Variants in WSB1 observed in about 807,000 individuals in gnomAD.
The protein encoded by WSB1 is WD repeat and SOCS box-containing protein 1.
In WSB1, 23 loss-of-function variants were observed where a neutral mutation model predicts 50.2. That is an observed-to-expected ratio of 0.46 (90% confidence interval 0.33 to 0.65). The LOEUF is 0.65. Ranked by LOEUF, WSB1 falls within the 30% of genes least tolerant of loss-of-function variation. The pLI, the probability that WSB1 is intolerant of heterozygous loss-of-function variation, is 0.02. For synonymous variants in WSB1, 179 were observed against 172.0 expected, an observed-to-expected ratio of 1.04 and a Z score of -0.32; for missense variants, 492 against 522.3, an observed-to-expected ratio of 0.94 and a Z score of 0.56.
Position 27,294,443 on chromosome 17 carries a change from T to C in WSB1, c.40+8T>C. ...TCAACGAGAAAGAGATCGGTGAGGA[T>C]TGGGACCGTGGGTGGGCGCATGAGG... is the stretch of plus-strand genomic sequence containing the variant. On this transcript the variant is annotated splice_region_variant and intron_variant, in intron 1 of 8. Coordinates refer to ENST00000262394, the MANE Select transcript of WSB1 (RefSeq NM_015626.10). 1 of 1,612,728 alleles carries C rather than the reference T, an allele frequency of 6.2e-7. No homozygotes were observed. The highest frequency in any genetic ancestry group is 1.3e-5 in the African/African-American group (1 of 74,956).
At position 27,315,865 on chromosome 17, in the gene WSB1, T is replaced by G; in HGVS notation, c.*3496T>G. ...GTATACTGGGTTTTTTTGTTGTTGT[T>G]AAATTCTTTTCCATCAGAAGTAAGA... is the stretch of plus-strand genomic sequence containing the variant. On this transcript the variant is annotated 3_prime_UTR_variant, in exon 9 of 9. Transcript: ENST00000262394. 1 of 152,336 alleles carries G rather than the reference T, an allele frequency of 6.6e-6. No individual in the cohort carries two copies. Among genetic ancestry groups the G allele is most frequent in the Non-Finnish European group, 1.5e-5 (1 of 68,034 alleles). 9.4% of individuals were successfully genotyped at this position (152,336 alleles called of 1,614,324 possible).
Position 27,311,607 on chromosome 17 carries a change from T to TA in WSB1, c.1098dup (p.Ala367SerfsTer6). 6.3e-7 allele frequency: 1 copy of TA among 1,581,814 alleles called. No individual in the cohort carries two copies. The highest frequency in any genetic ancestry group is 8.6e-7 in the Non-Finnish European group (1 of 1,168,930). ...GCCTTCTCTACTGATGGCAGTGTTT[T>TA]AGCTGCTGGGTAAATATATTTTTCT... is the stretch of plus-strand genomic sequence containing the variant. On this transcript the variant is annotated frameshift_variant, in exon 8 of 9. Transcript: ENST00000262394. LOFTEE classifies it high-confidence loss of function.
At position 27,303,366 on chromosome 17, in the gene WSB1, G is replaced by C; in HGVS notation, c.210-1G>C. 1 of 1,613,128 alleles carries C rather than the reference G, an allele frequency of 6.2e-7. No individual in the cohort carries two copies. The highest frequency in any genetic ancestry group is 8.5e-7 in the Non-Finnish European group (1 of 1,179,446). ...TTTCCATCTGACTTCCCCCACTCCA[G>C]TCTCTTGCATGGCACCAAGAATGTT... On this transcript the variant is annotated splice_acceptor_variant, in intron 2 of 8. Coordinates refer to ENST00000262394, the MANE Select transcript of WSB1 (RefSeq NM_015626.10). LOFTEE classifies it high-confidence loss of function.
At chr17:27,304,955 T>G (rs1296998129) in intron 4 of WSB1, 44 bp downstream of exon 4, 1 of 1,611,046 alleles carries the variant, frequency 6.2e-7, no homozygotes, top group Admixed American at 1.7e-5. Context: ...TGTTTCTTGA[T>G]ACTACTATGG....
chr17:27,313,686 T>A lies in WSB1; in HGVS notation c.*1317T>A, dbSNP rs189271279. ...TTAGGTGGAGTACTTTCTCTCTGTCTCCATTGTAAGGTTGATGGTACACCA... is the reference window on the plus strand; with the variant it reads ...TTAGGTGGAGTACTTTCTCTCTGTCACCATTGTAAGGTTGATGGTACACCA... On this transcript the variant is annotated 3_prime_UTR_variant, in exon 9 of 9. Transcript: ENST00000262394. 1 of 152,044 alleles carries A rather than the reference T, an allele frequency of 6.6e-6. No homozygotes were observed. The highest frequency in any genetic ancestry group is 1.5e-5 in the Non-Finnish European group (1 of 67,980). 9.4% of individuals were successfully genotyped at this position (152,044 alleles called of 1,614,324 possible). A position where few individuals can be genotyped will look rare whatever the true frequency, so the allele number is the denominator to read the frequency against.
chr17:27,305,707 T>C (rs2017424083), intron 4 of WSB1, among the ~76,000 whole-genome samples: 1 of 152,344 alleles, frequency 6.6e-6, no homozygotes, highest in South Asian at 2.1e-4. Flanking sequence ...ATAGTAACCA[T>C]TCCTTAATAA....
chr17:27,308,002 G>A, intron 5 of WSB1: 4 of 1,232,974 alleles, frequency 3.2e-6, no homozygotes, highest in Non-Finnish European at 4.0e-6. Context: ...AAAATACACT[G>A]ACTCCTGAGT....
chr17:27,294,691 G>T (rs1190063945), intron 1 of WSB1, among the ~76,000 whole-genome samples: 1 of 152,206 alleles, frequency 6.6e-6, no homozygotes, highest in Non-Finnish European at 1.5e-5. Flanking sequence ...CGGTTTCTTC[G>T]TCGGAGGTCC....
Position 27,294,172 on chromosome 17 carries a change from T to C in WSB1, c.-224T>C. On this transcript the variant is annotated 5_prime_UTR_variant, in exon 1 of 9. Transcript: ENST00000262394. ...CTGTCTTCCTCCGCAGGCGCGAGGCTGGGTACAGGGTCTATTGTCTGTGGT... is the reference window on the plus strand; with the variant it reads ...CTGTCTTCCTCCGCAGGCGCGAGGCCGGGTACAGGGTCTATTGTCTGTGGT... 5.1e-6 allele frequency: 2 copies of C among 395,202 alleles called. No individual in the cohort carries two copies. The highest frequency in any genetic ancestry group is 9.0e-6 in the Non-Finnish European group (2 of 222,666). The allele number at this position is 395,202 out of a possible 1,614,324, so 24.5% of individuals were successfully genotyped here.
chr17:27,307,849 G>A, intron 5 of WSB1: 2 of 1,501,058 alleles, frequency 1.3e-6, no homozygotes, highest in Non-Finnish European at 1.8e-6. Context: ...TGGCTACCGG[G>A]CTGGGGGCGA....
At chr17:27,307,469 T>C in intron 5 of WSB1, 9 of 486,974 alleles carry the variant, frequency 1.8e-5, no homozygotes. Context: ...TATAGTTAAA[T>C]TGATCTCAGT....
chr17:27,305,067 A>G (rs1043423695), intron 4 of WSB1, among the ~76,000 whole-genome samples, 156 bp downstream of exon 4: 1 of 152,246 alleles, frequency 6.6e-6, no homozygotes, highest in African/African-American at 2.4e-5. Context: ...TGAATAGATC[A>G]AAGAAAAACA....
chr17:27,294,309 C>T lies in WSB1; in HGVS notation c.-87C>T. 3.8e-6 allele frequency: 6 copies of T among 1,564,878 alleles called. No homozygotes were observed. The highest frequency in any genetic ancestry group is 5.2e-6 in the Non-Finnish European group (6 of 1,145,872). On this transcript the variant is annotated 5_prime_UTR_variant, in exon 1 of 9. Coordinates refer to ENST00000262394, the MANE Select transcript of WSB1 (RefSeq NM_015626.10). ...TGTCCCTGGGCCCGGGAGGGACCAA[C>T]TTGGCGTCACGCCCCTCAGCGGTCG...
At chr17:27,309,527 T>G (rs1388926715) in intron 6 of WSB1, among the ~76,000 whole-genome samples, 1 of 152,188 alleles carries the variant, frequency 6.6e-6, no homozygotes, top group African/African-American at 2.4e-5. Context: ...TTAGAGTTTT[T>G]GTTGGAGAAA....
intron 1 of WSB1, 82 bp downstream of exon 1, chr17:27,294,517 T>TC (rs1441357395): frequency 3.8e-6 from 6 of 1,572,350 alleles, no homozygotes; most frequent in African/African-American, 2.7e-5. Context: ...AGGAAGCGAC[T>TC]CCAAGTCTGA....
At chr17:27,307,509 T>C (rs1725021984) in intron 5 of WSB1, 2 of 549,178 alleles carry the variant, frequency 3.6e-6, no homozygotes. Context: ...ATGGTTGAAG[T>C]CCAAATACAT....
At chr17:27,310,207 CT>C (rs1455680264) in intron 7 of WSB1, 33 bp downstream of exon 7, 1 of 1,589,598 alleles carries the variant, frequency 6.3e-7, no homozygotes. Flanking sequence ...GACTGACTTA[CT>C]ATTACCTTTT....
chr17:27,308,143 GT>G, intron 5 of WSB1: 2 of 1,025,382 alleles, frequency 2.0e-6, no homozygotes, highest in Non-Finnish European at 2.3e-6. Flanking sequence ...GATATCTTAC[GT>G]CTTTGATTCA....
At position 27,306,651 on chromosome 17, in the gene WSB1, C is replaced by T. The variant is rs557721627; in HGVS notation, c.611-131C>T. On this transcript the variant is annotated intron_variant, in intron 4 of 8. Coordinates refer to ENST00000262394, the MANE Select transcript of WSB1 (RefSeq NM_015626.10). Reference sequence around the variant, plus strand: ...TAAAACCTAAGCAGCTGGTGTATATCGGTAACCCTTGTTATAGATAAATTG... The same window carrying T: ...TAAAACCTAAGCAGCTGGTGTATATTGGTAACCCTTGTTATAGATAAATTG... The T allele has an allele frequency of 3.6e-5, 29 of 803,514 alleles. No homozygotes were observed. In the South Asian group the frequency reaches 4.7e-4, roughly 13 times the overall value. 49.8% of individuals were successfully genotyped at this position (803,514 alleles called of 1,614,324 possible).
Sources: allele counts gnomAD v4.1 joint callset (sites outside exome capture counted in the v4.1 genomes callset), GRCh38; gene constraint gnomAD v4.1.1; transcripts MANE v1.5; gene names NCBI Gene and HGNC (gene_info 2026-07-23, HGNC 2026-07-21).